The following DEPDC5 variants were observed in gnomAD, a reference collection of about 807,000 sequenced individuals.
DEPDC5 encodes GATOR1 complex protein DEPDC5.
A neutral mutation model predicts 217.3 loss-of-function variants in DEPDC5; 73 were observed. The observed-to-expected ratio is 0.34, with a 90% CI of 0.28 to 0.41. The LOEUF (loss-of-function observed/expected upper bound fraction) is 0.41, where lower values mean the gene tolerates loss of function less well. DEPDC5 is among the 10% of genes least tolerant of loss of function. The probability of loss-of-function intolerance (pLI) is 1.00; values close to 1 mark genes in which losing one functional copy is unlikely to be tolerated. For missense variants in DEPDC5, 1,675 were observed against 2,070.1 expected (o/e 0.81, Z 3.70); for synonymous variants, 733 against 756.7 (o/e 0.97, Z 0.51).
intron 27 of DEPDC5, among the ~76,000 whole-genome samples, chr22:31,841,988 T>G (rs1324805421): frequency 6.6e-6 from 1 of 152,218 alleles, no homozygotes; most frequent in Admixed American, 6.5e-5. Flanking sequence ...CACTTGTCAT[T>G]TTCTTGATTC....
At chr22:31,884,536 T>C (rs2093259438) in intron 38 of DEPDC5, among the ~76,000 whole-genome samples, 1 of 152,216 alleles carries the variant, frequency 6.6e-6, no homozygotes. Flanking sequence ...CTTACCTTGC[T>C]TGGCTCTCCT....
intron 38 of DEPDC5, among the ~76,000 whole-genome samples, chr22:31,882,101 AAGTACAG>A (rs1172762240): frequency 8.5e-5 from 13 of 152,202 alleles, no homozygotes; most frequent in Non-Finnish European, 1.8e-4. Context: ...AGAACTTGAT[AAGTACAG>A]TGTTAATCAT....
chr22:31,754,198 G>C (rs567923128), intron 1 of DEPDC5, 34 bp downstream of exon 1: 1 of 153,922 alleles, frequency 6.5e-6, no homozygotes, highest in Non-Finnish European at 1.4e-5. Context: ...ACTGGGGATT[G>C]GGGGGGCTTG....
chr22:31,826,508 T>C (rs1417923147), intron 24 of DEPDC5: 3 of 423,848 alleles, frequency 7.1e-6, no homozygotes, highest in Non-Finnish European at 1.4e-5. Context: ...AATATGCTTC[T>C]TCCCTGTCTT....
chr22:31,783,132 C>A (rs2084624876), intron 8 of DEPDC5, among the ~76,000 whole-genome samples: 1 of 152,126 alleles, frequency 6.6e-6, no homozygotes, highest in Non-Finnish European at 1.5e-5. Flanking sequence ...AATCAGCACT[C>A]TGTAAAATGG....
rs181250087 is a variant in DEPDC5, at chr22:31,774,101, C to A, written c.414-3998C>A. Reference sequence around the variant, plus strand: ...AAACAAAACAAAACAACAACAACAACAAAAAATATATATATAGTAGCAAAA... The same window carrying A: ...AAACAAAACAAAACAACAACAACAAAAAAAAATATATATATAGTAGCAAAA... On this transcript the variant is annotated intron_variant, in intron 7 of 42. Coordinates refer to ENST00000651528, the MANE Select transcript of DEPDC5 (RefSeq NM_001242896.3). 2.7e-3 allele frequency among the ~76,000 whole-genome samples: 410 copies of A among 151,866 alleles called. 1 individual carries two copies. The highest frequency in any genetic ancestry group is 3.4e-3 in the Middle Eastern group (1 of 294).
intron 25 of DEPDC5, 115 bp from the exon 26 acceptor site, chr22:31,836,857 A>G: frequency 2.1e-6 from 2 of 970,532 alleles, no homozygotes; most frequent in East Asian, 2.6e-5. Context: ...CAATTTTACC[A>G]TCTTTCACCC....
At chr22:31,874,427 A>C in intron 36 of DEPDC5, 22 bp downstream of exon 36, 1 of 1,597,322 alleles carries the variant, frequency 6.3e-7, no homozygotes, top group Non-Finnish European at 8.5e-7. Flanking sequence ...AGAGGGGCCC[A>C]TAGAGCTGTT....
chr22:31,812,041 T>A (rs1418891179), intron 20 of DEPDC5, among the ~76,000 whole-genome samples: 1 of 151,848 alleles, frequency 6.6e-6, no homozygotes, highest in Non-Finnish European at 1.5e-5. Flanking sequence ...TAGGCTGGAG[T>A]GCAGTGCTGC....
Position 31,810,639 on chromosome 22 carries a change from C to T in DEPDC5, c.1443C>T (p.Cys481=). The change falls in exon 20 of 43, where the codon TGC becomes TGT. Residue 481 remains cysteine (C), a splice_region_variant and synonymous_variant. Coordinates refer to ENST00000651528, the MANE Select transcript of DEPDC5 (RefSeq NM_001242896.3). ...CCCGGGCCCAGTGCCTCACCACCTG[C>T]AGGTTTTCTGCCAGATTCACTTGGG... ...GPSRAQCLTT[C]RSVRERESHS... 1 of 1,614,138 alleles carries T rather than the reference C, an allele frequency of 6.2e-7. No individual in the cohort carries two copies. The highest frequency in any genetic ancestry group is 8.5e-7 in the Non-Finnish European group (1 of 1,180,032).
rs375938114 is a variant in DEPDC5 at position 31,843,156 on chromosome 22, G to C, written c.2577G>C (p.Thr859=). Residue 859 remains threonine, a synonymous_variant, in exon 28 of 43, where the codon ACG becomes ACC. Transcript: ENST00000651528. ...AGTATTGGCTGAGTATGGGCAGAAC[G>C]TTCCACAAAGTGACGCTGAAGGATA... ...EDQYWLSMGR[T]FHKVTLKDKM... 1 of 1,614,140 alleles carries C rather than the reference G, an allele frequency of 6.2e-7. No homozygotes were observed. Among genetic ancestry groups the C allele is most frequent in the Non-Finnish European group, 8.5e-7 (1 of 1,180,026 alleles).
chr22:31,796,069 A>G (rs1190385584), intron 12 of DEPDC5, among the ~76,000 whole-genome samples: 1 of 148,338 alleles, frequency 6.7e-6, no homozygotes, highest in Non-Finnish European at 1.5e-5. Context: ...ACAAATGCCA[A>G]TCCATGTTAA....
chr22:31,885,924 C>T (rs1185277417), intron 38 of DEPDC5, among the ~76,000 whole-genome samples: 1 of 151,704 alleles, frequency 6.6e-6, no homozygotes, highest in Non-Finnish European at 1.5e-5. Context: ...ACCCCAGCTA[C>T]TCAGGAGGCT....
At chr22:31,756,939 TAAAAA>T (rs200790162) in intron 2 of DEPDC5, among the ~76,000 whole-genome samples, 1 of 143,538 alleles carries the variant, frequency 7.0e-6, no homozygotes, top group Non-Finnish European at 1.5e-5. Flanking sequence ...TAAAAAATAA[TAAAAA>T]AAAAAGAAAC....
intron 23 of DEPDC5, 34 bp downstream of exon 23, chr22:31,821,671 T>C (rs769149621): frequency 3.1e-6 from 5 of 1,602,284 alleles, no homozygotes; most frequent in Non-Finnish European, 3.4e-6. Flanking sequence ...GAAGGTAACC[T>C]GAGAACACTC....
chr22:31,866,348 C>CA (rs1347566991), intron 33 of DEPDC5, among the ~76,000 whole-genome samples: 4 of 152,078 alleles, frequency 2.6e-5, no homozygotes, highest in Non-Finnish European at 5.9e-5. Flanking sequence ...CCTGGCTTCC[C>CA]AGTCTCTTCT....
Position 31,808,216 on chromosome 22 carries a change from C to T in DEPDC5, c.1288-1395C>T, listed in dbSNP as rs374577494. 2.9e-3 allele frequency among the ~76,000 whole-genome samples: 436 copies of T among 151,932 alleles called. 1 individual carries two copies. The highest frequency in any genetic ancestry group is 9.1e-3 in the African/African-American group (378 of 41,436). ...GTTCAATCAGTTTTCGTGCCCCAGC[C>T]TCCCCAATAGCTAGGACTACAGGCA... On this transcript the variant is annotated intron_variant, in intron 18 of 42. Coordinates refer to ENST00000651528, the MANE Select transcript of DEPDC5 (RefSeq NM_001242896.3).
At chr22:31,880,300 G>A (rs2093139300) in intron 38 of DEPDC5, 1 of 159,496 alleles carries the variant, frequency 6.3e-6, no homozygotes, top group Admixed American at 5.8e-5. Flanking sequence ...TCTAAGATGG[G>A]GGTAAACAGC....
At chr22:31,783,886 A>G (rs2084711935) in intron 8 of DEPDC5, 21 bp from the exon 9 acceptor site, 1 of 1,605,362 alleles carries the variant, frequency 6.2e-7, no homozygotes, top group Admixed American at 1.7e-5. Flanking sequence ...GCTTTTTAAT[A>G]CAATTGTGTT....
Sources: allele counts gnomAD v4.1 joint callset (sites outside exome capture counted in the v4.1 genomes callset), GRCh38; gene constraint gnomAD v4.1.1; transcripts MANE v1.5; gene names NCBI Gene and HGNC (gene_info 2026-07-23, HGNC 2026-07-21).